The following GPHN variants were observed in gnomAD, a reference collection of about 807,000 sequenced individuals.
GPHN encodes the protein gephyrin.
Under a neutral mutation model 95.5 loss-of-function variants are expected in GPHN, and 17 were observed. That is an observed-to-expected ratio of 0.18 (90% confidence interval 0.12 to 0.27). GPHN has a LOEUF of 0.27. Among genes scored for constraint, GPHN ranks in the 10% least tolerant of loss-of-function variants. The pLI, the probability that GPHN is intolerant of heterozygous loss-of-function variation, is 1.00. For missense variants in GPHN, 660 were observed against 978.1 expected, an observed-to-expected ratio of 0.67 and a Z score of 4.34; for synonymous variants, 320 against 322.5, an observed-to-expected ratio of 0.99 and a Z score of 0.08.
the GPHN span, chr14:67,646,612 T>TGATTAATC: frequency 6.6e-7 from 1 of 1,520,450 alleles, no homozygotes; most frequent in Non-Finnish European, 9.1e-7. Context: ...CAAGAATTCT[T>TGATTAATC]GATTAATCCT....
At chr14:67,243,557 AT>A in the GPHN span, among the ~76,000 whole-genome samples, 1 of 145,140 alleles carries the variant, frequency 6.9e-6, no homozygotes, top group African/African-American at 2.6e-5. Flanking sequence ...CAGTGGCGCA[AT>A]CTCGGCTCAC....
Position 66,718,391 on chromosome 14 carries a change from C to T in GPHN, c.143+37206C>T, listed in dbSNP as rs148268449. ...GATGGGTTCGTGGTCTCGCTGACTT[C>T]AGGAATAAGCCACAGACCCTCGTAA... On this transcript the variant is annotated intron_variant, in intron 2 of 22. Transcript: ENST00000478722. 9.1e-4 allele frequency among the ~76,000 whole-genome samples: 138 copies of T among 152,186 alleles called. 1 individual carries two copies. The highest frequency in any genetic ancestry group is 1.5e-3 in the Non-Finnish European group (100 of 68,020).
the GPHN span, chr14:67,393,138 G>A: frequency 6.3e-7 from 1 of 1,595,450 alleles, no homozygotes; most frequent in Non-Finnish European, 8.6e-7. Context: ...CGGCCCTGGG[G>A]GACAGGCTCA....
the GPHN span, among the ~76,000 whole-genome samples, chr14:67,361,277 CAATT>C: frequency 6.6e-6 from 1 of 152,192 alleles, no homozygotes; most frequent in Non-Finnish European, 1.5e-5. Context: ...TATTTCCCCT[CAATT>C]GAGTTGTTAT....
intron 17 of GPHN, among the ~76,000 whole-genome samples, chr14:67,129,014 A>G (rs985346631): frequency 1.3e-5 from 2 of 150,242 alleles, no homozygotes; most frequent in Admixed American, 6.7e-5. Context: ...GGGTTTCTCC[A>G]TGTTTGTCAG....
At chr14:67,229,623 T>C in the GPHN span, among the ~76,000 whole-genome samples, 1 of 152,148 alleles carries the variant, frequency 6.6e-6, no homozygotes, top group African/African-American at 2.4e-5. Context: ...ACCATAAGTG[T>C]AAAATATACG....
the GPHN span, among the ~76,000 whole-genome samples, chr14:67,248,379 A>G: frequency 6.6e-6 from 1 of 152,142 alleles, no homozygotes; most frequent in African/African-American, 2.4e-5. Flanking sequence ...AACCAAATAT[A>G]AGATTTTGTG....
At chr14:67,311,034 AGGCGTGGT>A in the GPHN span, among the ~76,000 whole-genome samples, 1 of 152,182 alleles carries the variant, frequency 6.6e-6, no homozygotes, top group African/African-American at 2.4e-5. Flanking sequence ...AGCTAAGGCC[AGGCGTGGT>A]GGCTCGTGTC....
the GPHN span, chr14:67,321,099 A>T: frequency 4.3e-6 from 7 of 1,614,158 alleles, no homozygotes; most frequent in Non-Finnish European, 5.9e-6. Context: ...GCCGGTAGAG[A>T]TTACCACTTT....
intron 1 of GPHN, among the ~76,000 whole-genome samples, chr14:66,611,478 C>T (rs2062781218): frequency 6.6e-6 from 1 of 152,020 alleles, no homozygotes; most frequent in Non-Finnish European, 1.5e-5. Context: ...ATCTGGAATC[C>T]TTGCTTTTGC....
chr14:67,587,479 C>T, the GPHN span: 1 of 534,030 alleles, frequency 1.9e-6, no homozygotes, highest in Admixed American at 3.2e-5. Context: ...AGAATAATGA[C>T]TCCAGATGCT....
At chr14:67,476,909 T>C in the GPHN span, among the ~76,000 whole-genome samples, 6 of 152,112 alleles carry the variant, frequency 3.9e-5, no homozygotes, top group Non-Finnish European at 8.8e-5. Flanking sequence ...GCAGATCACC[T>C]GAGGTCAGGA....
intron 8 of GPHN, among the ~76,000 whole-genome samples, chr14:66,958,930 G>T (rs1379448549): frequency 6.6e-6 from 1 of 151,428 alleles, no homozygotes; most frequent in Non-Finnish European, 1.5e-5. Flanking sequence ...CCTTTTTTCT[G>T]TATAGATATT....
chr14:67,569,839 C>A, the GPHN span: 1 of 851,208 alleles, frequency 1.2e-6, no homozygotes, highest in Non-Finnish European at 2.0e-6. Flanking sequence ...GAGGGAATGC[C>A]ATCTGCCCAG....
the GPHN span, among the ~76,000 whole-genome samples, chr14:67,554,984 C>G: frequency 6.6e-6 from 1 of 152,192 alleles, no homozygotes. Context: ...GCCATCTCAG[C>G]TCACTACAGC....
At chr14:66,680,939 T>C (rs1184447789) in intron 1 of GPHN, among the ~76,000 whole-genome samples, 168 bp from the exon 2 acceptor site, 1 of 151,972 alleles carries the variant, frequency 6.6e-6, no homozygotes, top group African/African-American at 2.4e-5. Context: ...AGAATATTAA[T>C]ATTTGTTGCT....
rs1163483546 is a variant in GPHN, at chr14:67,089,133, CTTTTTTTTTTTTTTT to C, written c.1237+69_1237+83del. 15 of 200,450 alleles carry C rather than the reference CTTTTTTTTTTTTTTT, an allele frequency of 7.5e-5. No individual in the cohort carries two copies. The African/African-American group carries it at 9.9e-4, about 13-fold the overall frequency. 12.4% of individuals were successfully genotyped at this position (200,450 alleles called of 1,614,324 possible). A position where few individuals can be genotyped will look rare whatever the true frequency, so the allele number is the denominator to read the frequency against. On this transcript the variant is annotated intron_variant, in intron 12 of 22. Coordinates refer to ENST00000478722, the MANE Select transcript of GPHN (RefSeq NM_020806.5). ...GCACTGTATTTTTTTTTCTTTTTTT[CTTTTTTTTTTTTTTT>C]TTTTTTTTTTCAAATTTTTGGCTTA...
the GPHN span, among the ~76,000 whole-genome samples, chr14:67,486,510 C>T: frequency 1 from 151,894 of 152,266 alleles, 75,762 homozygotes; most frequent in Middle Eastern, 1. Flanking sequence ...GTTGACCTTG[C>T]GATCCACCCA....
intron 2 of GPHN, among the ~76,000 whole-genome samples, chr14:66,702,489 A>T (rs570924335): frequency 6.6e-6 from 1 of 152,194 alleles, no homozygotes; most frequent in African/African-American, 2.4e-5. Context: ...ACATCTCCAG[A>T]TGTGAGAGCG....
Sources: gnomAD v4.1 joint callset for allele counts (sites outside exome capture counted in the v4.1 genomes callset) on GRCh38, gnomAD v4.1.1 for gene constraint, MANE v1.5 for transcripts, NCBI Gene and HGNC (gene_info 2026-07-23, HGNC 2026-07-21) for gene names.